TMEFF2: variants seen among roughly 807,000 people sequenced by gnomAD.
The protein encoded by TMEFF2 is tomoregulin-2.
In TMEFF2, 28 loss-of-function variants were observed where a neutral mutation model predicts 53.8. The observed-to-expected ratio is 0.52, with a 90% CI of 0.39 to 0.71. The LOEUF is 0.71. Among genes scored for constraint, TMEFF2 ranks in the 30% least tolerant of loss-of-function variants. TMEFF2 has a pLI of 0.00. For missense variants in TMEFF2, 353 were observed against 455.2 expected, an observed-to-expected ratio of 0.78 and a Z score of 2.04; for synonymous variants, 162 against 166.3, an observed-to-expected ratio of 0.97 and a Z score of 0.20.
At chr2:192,017,772 C>T (rs1686775083) in intron 5 of TMEFF2, among the ~76,000 whole-genome samples, 1 of 152,152 alleles carries the variant, frequency 6.6e-6, no homozygotes, top group Admixed American at 6.5e-5. Context: ...TAGAACCCAA[C>T]CACTAGAATT....
chr2:192,091,017 T>C (rs563696947), intron 4 of TMEFF2, among the ~76,000 whole-genome samples: 1 of 152,248 alleles, frequency 6.6e-6, no homozygotes, highest in Admixed American at 6.5e-5. Context: ...ACGTGGGAGA[T>C]GGTGAAAGCA....
In TMEFF2 at chr2:192,010,284, C is replaced by G. The variant is rs185789590; in HGVS notation, c.537-11076G>C. On this transcript the variant is annotated intron_variant, in intron 5 of 9. Transcript: ENST00000272771. ...TATTGCCGGTGAGTTCTGATTGCTC[C>G]GAGAGAGGACTGTGTGGTCAGAAAT... Among the ~76,000 whole-genome samples, 431 of 152,202 alleles carry G rather than the reference C, an allele frequency of 2.8e-3. 8 individuals are homozygous for G. Among genetic ancestry groups the G allele is most frequent in the South Asian group, 0.026 (124 of 4,808 alleles).
intron 4 of TMEFF2, among the ~76,000 whole-genome samples, chr2:192,063,182 G>A (rs1688089476): frequency 1.3e-5 from 2 of 151,846 alleles, no homozygotes; most frequent in South Asian, 2.1e-4. Context: ...GTATTAAAAT[G>A]TATAAATTGC....
chr2:192,183,099 AC>A (rs1221045297), intron 3 of TMEFF2, among the ~76,000 whole-genome samples: 13 of 151,952 alleles, frequency 8.6e-5, no homozygotes, highest in Admixed American at 5.9e-4. Context: ...CCTCCTGACC[AC>A]CCTTTCATGA....
chr2:192,126,705 C>G (rs2105972092), intron 4 of TMEFF2, among the ~76,000 whole-genome samples: 1 of 152,316 alleles, frequency 6.6e-6, no homozygotes, highest in East Asian at 1.9e-4. Context: ...CTTGTTCCCT[C>G]TGACAGTCAT....
intron 5 of TMEFF2, among the ~76,000 whole-genome samples, chr2:192,017,168 G>C (rs925357354): frequency 1.1e-4 from 16 of 152,200 alleles, no homozygotes; most frequent in Admixed American, 6.5e-5. Flanking sequence ...GCTTGGTAGA[G>C]CTGGAGGTTC....
intron 4 of TMEFF2, among the ~76,000 whole-genome samples, chr2:192,121,474 G>A (rs1574391430): frequency 6.6e-6 from 1 of 152,166 alleles, no homozygotes; most frequent in African/African-American, 2.4e-5. Flanking sequence ...GGAAGGACCA[G>A]GCTATAGGGG....
intron 5 of TMEFF2, among the ~76,000 whole-genome samples, chr2:192,053,060 T>C (rs1376770560): frequency 6.6e-6 from 1 of 152,196 alleles, no homozygotes; most frequent in African/African-American, 2.4e-5. Flanking sequence ...GTAAGGAAAA[T>C]GCAAGAGAAA....
chr2:192,035,094 A>C (rs1211176653), intron 5 of TMEFF2: 1 of 152,208 alleles, frequency 6.6e-6, no homozygotes, highest in Non-Finnish European at 1.5e-5. Context: ...TGTTGAGAGC[A>C]TCAGGCAGGG....
At position 191,997,349 on chromosome 2, in the gene TMEFF2, A is replaced by T. The variant is rs145320155; in HGVS notation, c.745+913T>A. Among the ~76,000 whole-genome samples, 209 of 151,956 alleles carry T rather than the reference A, an allele frequency of 1.4e-3. 2 individuals carry two copies. Among genetic ancestry groups the T allele is most frequent in the Admixed American group, 0.013 (203 of 15,218 alleles). On this transcript the variant is annotated intron_variant, in intron 7 of 9. Transcript: ENST00000272771. ...AGATTTCAGATCTCTATATTAACTA[A>T]TTTTTTAAATTTCATACACATTTAT...
intron 4 of TMEFF2, among the ~76,000 whole-genome samples, chr2:192,073,122 T>C (rs1194288692): frequency 2.6e-5 from 4 of 151,976 alleles, no homozygotes; most frequent in African/African-American, 4.8e-5. Context: ...ATGGTTGAGG[T>C]AGTGATTTCT....
At chr2:191,972,439 A>C (rs1692675735) in intron 7 of TMEFF2, among the ~76,000 whole-genome samples, 1 of 150,622 alleles carries the variant, frequency 6.6e-6, no homozygotes, top group Non-Finnish European at 1.5e-5. Flanking sequence ...TTGGGATTAC[A>C]GGCATGAACC....
intron 4 of TMEFF2, among the ~76,000 whole-genome samples, chr2:192,176,377 A>G (rs1336595540): frequency 2.0e-5 from 3 of 151,528 alleles, no homozygotes; most frequent in Non-Finnish European, 4.4e-5. Flanking sequence ...TTCAAAACTA[A>G]TAATACAAAA....
chr2:191,995,282 A>AT (rs1458161593), intron 7 of TMEFF2, among the ~76,000 whole-genome samples: 3 of 152,022 alleles, frequency 2.0e-5, no homozygotes, highest in Non-Finnish European at 4.4e-5. Context: ...GTGTTCCTGT[A>AT]TTAATAGCTC....
At chr2:191,956,225 A>G (rs375223385) in intron 8 of TMEFF2, 30 bp downstream of exon 8, 2 of 1,584,922 alleles carry the variant, frequency 1.3e-6, no homozygotes, top group African/African-American at 1.4e-5. Context: ...AACTTTATAC[A>G]TTAACTATTC....
chr2:192,191,837 G>T, intron 2 of TMEFF2, 43 bp downstream of exon 2: 2 of 1,339,146 alleles, frequency 1.5e-6, no homozygotes, highest in South Asian at 1.2e-5. Flanking sequence ...CTGCTTTGCA[G>T]TCTCATTAAT....
chr2:192,106,800 T>C (rs1559128884), intron 4 of TMEFF2, among the ~76,000 whole-genome samples: 1 of 151,812 alleles, frequency 6.6e-6, no homozygotes, highest in South Asian at 2.1e-4. Context: ...TCAGATAACA[T>C]GTAAAAATAC....
At chr2:191,950,684 A>ATG (rs771222181) in intron 9 of TMEFF2, among the ~76,000 whole-genome samples, 2 of 152,206 alleles carry the variant, frequency 1.3e-5, no homozygotes, top group Non-Finnish European at 2.9e-5. Flanking sequence ...GGCACAAAGA[A>ATG]TGACTCAGCA....
intron 4 of TMEFF2, among the ~76,000 whole-genome samples, chr2:192,069,308 T>A (rs1416990074): frequency 1.3e-5 from 2 of 151,660 alleles, no homozygotes; most frequent in Admixed American, 6.6e-5. Context: ...TTTGCTCCAC[T>A]AGCAGCCAAT....
Sources: gnomAD v4.1 joint callset for allele counts (sites outside exome capture counted in the v4.1 genomes callset) on GRCh38, gnomAD v4.1.1 for gene constraint, MANE v1.5 for transcripts, NCBI Gene and HGNC (gene_info 2026-07-23, HGNC 2026-07-21) for gene names.